Variants in PTK2B observed in about 807,000 individuals in gnomAD.
The protein encoded by PTK2B is protein-tyrosine kinase 2-beta.
PTK2B carries 71 observed loss-of-function variants against 142.9 expected under a neutral mutation model. The observed-to-expected ratio is 0.50, with a 90% CI of 0.41 to 0.61. The LOEUF (loss-of-function observed/expected upper bound fraction) is 0.61, where lower values mean the gene tolerates loss of function less well. Ranked by LOEUF, PTK2B falls within the 20% of genes least tolerant of loss-of-function variation. The pLI, the probability that PTK2B is intolerant of heterozygous loss-of-function variation, is 0.00. For synonymous variants in PTK2B, 519 were observed against 503.4 expected (o/e 1.03, Z -0.42); for missense variants, 1,105 against 1,320.4 (o/e 0.84, Z 2.53).
intron 1 of PTK2B, among the ~76,000 whole-genome samples, chr8:27,377,569 G>A (rs1275136105): frequency 6.6e-6 from 1 of 152,176 alleles, no homozygotes; most frequent in Non-Finnish European, 1.5e-5. Flanking sequence ...TCTGTCTCCA[G>A]CTGAGTGTGG....
intron 12 of PTK2B, 86 bp downstream of exon 12, chr8:27,434,218 T>C: frequency 6.7e-7 from 1 of 1,498,342 alleles, no homozygotes; most frequent in African/African-American, 1.4e-5. Flanking sequence ...AGTCCCCACC[T>C]CCATAGTTTC....
intron 5 of PTK2B, among the ~76,000 whole-genome samples, chr8:27,427,796 G>A (rs1810174488): frequency 6.6e-6 from 1 of 152,246 alleles, no homozygotes; most frequent in East Asian, 1.9e-4. Context: ...AGGAGGAGGA[G>A]CTTCCATCCA....
chr8:27,432,446 T>A (rs2303882), intron 10 of PTK2B, 85 bp downstream of exon 10: 4 of 1,301,144 alleles, frequency 3.1e-6, no homozygotes, highest in African/African-American at 2.9e-5. Context: ...ACCAAAAGTC[T>A]GTGACACACA....
intron 22 of PTK2B, among the ~76,000 whole-genome samples, chr8:27,443,316 A>G (rs1811274001): frequency 6.6e-6 from 1 of 152,224 alleles, no homozygotes; most frequent in Non-Finnish European, 1.5e-5. Flanking sequence ...TTTTAGGTCC[A>G]GTCCCTACAT....
At chr8:27,431,623 TG>T in intron 9 of PTK2B, 151 bp downstream of exon 9, 1 of 966,666 alleles carries the variant, frequency 1.0e-6, no homozygotes, top group Non-Finnish European at 1.5e-6. Flanking sequence ...TGAGCAGCAG[TG>T]GAGAGCATTT....
Position 27,327,101 on chromosome 8 carries a change from ACAG to A in PTK2B, c.-38+1423_-38+1425del, listed in dbSNP as rs562219457. ...TTAGCACAAGAGAAGAGGGGAAAGA[ACAG>A]CAAGTGCAGAGACTGGAGGCTAAAA... On this transcript the variant is annotated intron_variant, in intron 1 of 30. Coordinates refer to ENST00000346049, the MANE Select transcript of PTK2B (RefSeq NM_173176.3). Among the ~76,000 whole-genome samples, 5 of 152,266 alleles carry A rather than the reference ACAG, an allele frequency of 3.3e-5. No individual in the cohort carries two copies. In the East Asian group the frequency reaches 7.7e-4, roughly 24 times the overall value.
chr8:27,316,602 A>G (rs1803100917), intron 3 of PTK2B, among the ~76,000 whole-genome samples: 1 of 152,246 alleles, frequency 6.6e-6, no homozygotes, highest in African/African-American at 2.4e-5. Flanking sequence ...CTTCGGAAAC[A>G]GGCATCCTGG....
chr8:27,383,686 G>A (rs1807167104), intron 1 of PTK2B, among the ~76,000 whole-genome samples: 1 of 151,980 alleles, frequency 6.6e-6, no homozygotes, highest in Non-Finnish European at 1.5e-5. Flanking sequence ...TCATAAATGA[G>A]ATTGTTTAGT....
intron 30 of PTK2B, among the ~76,000 whole-genome samples, chr8:27,456,769 C>T (rs1300406642): frequency 2.0e-5 from 3 of 152,178 alleles, no homozygotes; most frequent in Admixed American, 6.5e-5. Context: ...CCAGTGAACA[C>T]ATGAATGATA....
At chr8:27,318,798 G>A (rs1019056602) in intron 3 of PTK2B, among the ~76,000 whole-genome samples, 4 of 152,232 alleles carry the variant, frequency 2.6e-5, no homozygotes, top group East Asian at 1.9e-4. Context: ...TTACAGGTAT[G>A]CACCATCACA....
intron 1 of PTK2B, among the ~76,000 whole-genome samples, chr8:27,344,992 G>T (rs986545342): frequency 6.6e-6 from 1 of 152,154 alleles, no homozygotes; most frequent in Non-Finnish European, 1.5e-5. Flanking sequence ...GCAAAACCTC[G>T]TCTCTACTAA....
intron 10 of PTK2B, 69 bp downstream of exon 10, chr8:27,432,430 G>C (rs1810496075): frequency 6.8e-7 from 1 of 1,468,224 alleles, no homozygotes; most frequent in Non-Finnish European, 9.4e-7. Context: ...GGGAGCTCTT[G>C]CTCAGACCAA....
At chr8:27,438,067 C>CTG (rs1810904825) in intron 18 of PTK2B, 187 bp downstream of exon 18, 2 of 580,350 alleles carry the variant, frequency 3.4e-6, no homozygotes, top group Non-Finnish European at 6.2e-6. Flanking sequence ...GTTGCAGGCA[C>CTG]TGTATGTACC....
Position 27,430,856 on chromosome 8 carries a change from C to G in PTK2B, c.670-20C>G. ...CTGGGAGGAGCAGGCATTGCTCACA[C>G]GGCCCATCCCCTCCCCCAGCCCAAA... On this transcript the variant is annotated intron_variant, in intron 7 of 30. Coordinates refer to ENST00000346049, the MANE Select transcript of PTK2B (RefSeq NM_173176.3). 1 of 1,610,782 alleles carries G rather than the reference C, an allele frequency of 6.2e-7. No individual in the cohort carries two copies. Among genetic ancestry groups the G allele is most frequent in the East Asian group, 2.2e-5 (1 of 44,818 alleles).
intron 2 of PTK2B, among the ~76,000 whole-genome samples, chr8:27,418,883 C>A (rs1238620817): frequency 1.3e-5 from 2 of 152,138 alleles, no homozygotes; most frequent in African/African-American, 2.4e-5. Flanking sequence ...CAAAAATTAT[C>A]CAGGCGTGGT....
chr8:27,370,444 T>A (rs940981120), intron 1 of PTK2B, among the ~76,000 whole-genome samples: 1 of 152,254 alleles, frequency 6.6e-6, no homozygotes, highest in African/African-American at 2.4e-5. Context: ...TGACAGTGTG[T>A]GAAGGCCCAG....
At chr8:27,455,281 T>A (rs1258574229) in intron 30 of PTK2B, among the ~76,000 whole-genome samples, 1 of 152,106 alleles carries the variant, frequency 6.6e-6, no homozygotes, top group African/African-American at 2.4e-5. Flanking sequence ...GTGACAACAC[T>A]GGCTGGGTGT....
chr8:27,440,628 C>T (rs1486908621), intron 21 of PTK2B, among the ~76,000 whole-genome samples, 187 bp downstream of exon 21: 1 of 152,222 alleles, frequency 6.6e-6, no homozygotes, highest in Non-Finnish European at 1.5e-5. Context: ...GGAAGCCTGA[C>T]TCATCTGGGC....
intron 2 of PTK2B, among the ~76,000 whole-genome samples, chr8:27,399,003 A>G (rs1273205417): frequency 6.6e-6 from 1 of 152,194 alleles, no homozygotes; most frequent in Non-Finnish European, 1.5e-5. Flanking sequence ...TTCTGATATA[A>G]AGGCACAATT....
Sources: allele counts gnomAD v4.1 joint callset (sites outside exome capture counted in the v4.1 genomes callset), GRCh38; gene constraint gnomAD v4.1.1; transcripts MANE v1.5; gene names NCBI Gene and HGNC (gene_info 2026-07-23, HGNC 2026-07-21).